ADCY8: variants seen among roughly 807,000 people sequenced by gnomAD.
ADCY8 encodes the protein adenylate cyclase type 8.
In ADCY8, 51 loss-of-function variants were observed where a neutral mutation model predicts 119.7. That is an observed-to-expected ratio of 0.43 (90% CI 0.34 to 0.54). The LOEUF (loss-of-function observed/expected upper bound fraction) is 0.54. Among genes scored for constraint, ADCY8 ranks in the 20% least tolerant of loss-of-function variants. The pLI is 0.03. For missense variants in ADCY8, 1,383 were observed against 1,598.8 expected (o/e 0.87, Z 2.30); for synonymous variants, 665 against 651.0 (o/e 1.02, Z -0.33).
chr8:130,939,287 C>T (rs1820888645), intron 4 of ADCY8, among the ~76,000 whole-genome samples: 1 of 152,114 alleles, frequency 6.6e-6, no homozygotes, highest in African/African-American at 2.4e-5. Context: ...TATGAAAACT[C>T]ACTACATTGC....
At position 130,951,869 on chromosome 8, in the gene ADCY8, T is replaced by C; in HGVS notation, c.1240A>G (p.Ser414Gly). The stretch of plus-strand genomic sequence containing the variant: ...GGGCAAGGGTGTTGTGTTTCTCACC[T>C]GACGTTCTCATAGCGATGGATGTAG... ...RIYIHRYENV[S>G]ILFADVKGFT... The change falls in exon 3 of 18, where the codon AGT (serine) becomes GGT (glycine). Residue 414 changes from serine (S) to glycine (G), a missense_variant and splice_region_variant. Ser to Gly is a moderately conservative substitution (Grantham distance 56). Coordinates refer to ENST00000286355, the MANE Select transcript of ADCY8 (RefSeq NM_001115.3). The C allele has an allele frequency of 6.2e-7, 1 of 1,614,018 alleles. No homozygotes were observed.
At chr8:130,939,467 C>T (rs928750920) in intron 4 of ADCY8, among the ~76,000 whole-genome samples, 3 of 152,072 alleles carry the variant, frequency 2.0e-5, no homozygotes, top group African/African-American at 4.8e-5. Context: ...TTTGGGGCAT[C>T]GGGTTGGTAT....
chr8:131,021,309 G>T (rs1419641646), intron 1 of ADCY8, among the ~76,000 whole-genome samples: 1 of 152,048 alleles, frequency 6.6e-6, no homozygotes, highest in Non-Finnish European at 1.5e-5. Flanking sequence ...CTTCTGTATG[G>T]CTTCCATCTC....
intron 5 of ADCY8, among the ~76,000 whole-genome samples, chr8:130,930,894 T>C (rs1390229220): frequency 6.6e-6 from 1 of 152,212 alleles, no homozygotes; most frequent in African/African-American, 2.4e-5. Context: ...TAAAATAAGC[T>C]TTCTACCCTT....
chr8:130,868,986 C>T (rs927795717), intron 8 of ADCY8, among the ~76,000 whole-genome samples: 1 of 152,106 alleles, frequency 6.6e-6, no homozygotes, highest in African/African-American at 2.4e-5. Flanking sequence ...ATGGTGTTTG[C>T]AATAAACAGT....
At chr8:130,934,396 C>T (rs1442523395) in intron 5 of ADCY8, among the ~76,000 whole-genome samples, 1 of 152,118 alleles carries the variant, frequency 6.6e-6, no homozygotes, top group African/African-American at 2.4e-5. Flanking sequence ...AGGTGCTACA[C>T]ACTTATAAAC....
intron 2 of ADCY8, among the ~76,000 whole-genome samples, chr8:130,987,480 A>AT (rs34193529): frequency 0.088 from 13,318 of 151,486 alleles, 745 homozygotes; most frequent in East Asian, 0.23. Flanking sequence ...TTAAATAATT[A>AT]TTTTTTTTTG....
At chr8:130,999,601 A>G (rs943938481) in intron 1 of ADCY8, among the ~76,000 whole-genome samples, 2 of 152,166 alleles carry the variant, frequency 1.3e-5, no homozygotes, top group African/African-American at 4.8e-5. Context: ...AGGAAGTTGC[A>G]CTATATTTTC....
chr8:130,926,617 T>C (rs1245089335), intron 5 of ADCY8, among the ~76,000 whole-genome samples: 1 of 152,124 alleles, frequency 6.6e-6, no homozygotes, highest in Non-Finnish European at 1.5e-5. Context: ...TCCAGTCTCT[T>C]ACCATTTTTC....
chr8:131,030,903 G>C (rs968449540), intron 1 of ADCY8, among the ~76,000 whole-genome samples: 1 of 152,178 alleles, frequency 6.6e-6, no homozygotes, highest in South Asian at 2.1e-4. Context: ...GCTCCTCAAA[G>C]GGGCACAAAT....
chr8:130,915,806 C>G (rs1267040867), intron 5 of ADCY8, among the ~76,000 whole-genome samples: 1 of 152,174 alleles, frequency 6.6e-6, no homozygotes, highest in African/African-American at 2.4e-5. Flanking sequence ...CAACTCTATT[C>G]ACACAGACAT....
intron 1 of ADCY8, among the ~76,000 whole-genome samples, chr8:131,027,483 A>T (rs1263020165): frequency 5.9e-5 from 9 of 152,194 alleles, no homozygotes; most frequent in Admixed American, 5.2e-4. Flanking sequence ...GGGGTGGTTC[A>T]GCGGAGCATG....
At chr8:130,983,449 G>A (rs1172077560) in intron 2 of ADCY8, among the ~76,000 whole-genome samples, 1 of 152,188 alleles carries the variant, frequency 6.6e-6, no homozygotes, top group Non-Finnish European at 1.5e-5. Context: ...CCACACTCCA[G>A]GGGCAGAGAG....
intron 2 of ADCY8, among the ~76,000 whole-genome samples, chr8:130,962,625 G>C (rs1821638931): frequency 6.6e-6 from 1 of 152,264 alleles, no homozygotes; most frequent in East Asian, 1.9e-4. Flanking sequence ...GGTGAAAACA[G>C]TGAGGGATTC....
rs577974372 is a variant in ADCY8 at position 131,005,971 on chromosome 8, C to T, written c.961-15429G>A. On this transcript the variant is annotated intron_variant, in intron 1 of 17. Coordinates refer to ENST00000286355, the MANE Select transcript of ADCY8 (RefSeq NM_001115.3). ...CATGAACCACACCTTGGTGTTTGCA[C>T]ATTTGGTTCCCTTTTCCTTAAATGT... is the stretch of plus-strand genomic sequence containing the variant. Among the ~76,000 whole-genome samples the T allele has an allele frequency of 4.6e-5, 7 of 152,242 alleles. No individual in the cohort carries two copies. In the South Asian group the frequency reaches 8.3e-4, roughly 18 times the overall value.
chr8:130,843,890 G>T (rs1246320918), intron 11 of ADCY8, among the ~76,000 whole-genome samples: 1 of 152,136 alleles, frequency 6.6e-6, no homozygotes, highest in East Asian at 1.9e-4. Context: ...CACCATAAGG[G>T]TATGTGAGAT....
intron 5 of ADCY8, among the ~76,000 whole-genome samples, chr8:130,911,785 A>G (rs1819989467): frequency 6.6e-6 from 1 of 150,734 alleles, no homozygotes; most frequent in South Asian, 2.1e-4. Context: ...TAGAATAGTT[A>G]ATAAATATAA....
chr8:130,964,336 A>G (rs1170716907), intron 2 of ADCY8, among the ~76,000 whole-genome samples: 1 of 152,238 alleles, frequency 6.6e-6, no homozygotes, highest in Non-Finnish European at 1.5e-5. Flanking sequence ...ATAAATACCT[A>G]CAGCTTCTAT....
intron 15 of ADCY8, among the ~76,000 whole-genome samples, chr8:130,799,462 A>C (rs1156471492): frequency 6.6e-6 from 1 of 152,184 alleles, no homozygotes; most frequent in Non-Finnish European, 1.5e-5. Context: ...GGATGGAGGG[A>C]CAGGATGCTG....
Sources: allele counts gnomAD v4.1 joint callset (sites outside exome capture counted in the v4.1 genomes callset), GRCh38; gene constraint gnomAD v4.1.1; transcripts MANE v1.5; gene names NCBI Gene and HGNC (gene_info 2026-07-23, HGNC 2026-07-21).